Variants in TTC21A observed in about 807,000 individuals in gnomAD.
The protein encoded by TTC21A is tetratricopeptide repeat protein 21A.
TTC21A carries 128 observed loss-of-function variants against 156.4 expected under a neutral mutation model. The ratio of observed to expected loss-of-function variants is 0.82; its 90% CI spans 0.71 to 0.95. The LOEUF is 0.95. Ranked by LOEUF, TTC21A falls within the 40% of genes least tolerant of loss-of-function variation. The pLI, the probability that TTC21A is intolerant of heterozygous loss-of-function variation, is 0.00. For missense variants in TTC21A, 1,435 were observed against 1,602.3 expected (o/e 0.90, Z 1.78); for synonymous variants, 587 against 617.1 (o/e 0.95, Z 0.72).
rs1268344292 is a variant in TTC21A, at chr3:39,137,337, G to A, written c.3400G>A (p.Ala1134Thr). 1 of 1,613,912 alleles carries A rather than the reference G, an allele frequency of 6.2e-7. No individual in the cohort carries two copies. The highest frequency in any genetic ancestry group is 1.1e-5 in the South Asian group (1 of 91,038). ...CTGCCGGCTGGCCACCAGGGAGAAG[G>A]CTAACATGGAGGCTGCGCTGGGCAG... ...GLCRLATREK[A>T]NMEAALGSFI... The change falls in exon 25 of 29, where the codon GCT becomes ACT. Residue 1134 changes from alanine (A) to threonine (T), a missense_variant. Coordinates refer to ENST00000683103, the MANE Select transcript of TTC21A (RefSeq NM_001366900.1).
intron 5 of TTC21A, chr3:39,112,792 T>A: frequency 3.7e-6 from 1 of 273,672 alleles, no homozygotes; most frequent in Non-Finnish European, 5.6e-6. Context: ...CTGCTTGATC[T>A]GAGTTTCTGT....
Position 39,125,411 on chromosome 3 carries a change from C to T in TTC21A, c.1271C>T (p.Ala424Val), listed in dbSNP as rs781115098. Residue 424 changes from alanine (A) to valine (V), a missense_variant, in exon 11 of 29, where the codon GCA becomes GTA. Coordinates refer to ENST00000683103, the MANE Select transcript of TTC21A (RefSeq NM_001366900.1). ...GAGACCACAGCGCTCCTGAAGGAGG[C>T]AGTGGAGCTTCACTTCTCCAGCATG... is the stretch of plus-strand genomic sequence containing the variant. Reference protein sequence around the residue: ...EEETTALLKEAVELHFSSMQG... With the variant: ...EEETTALLKEVVELHFSSMQG... 1.9e-6 allele frequency: 3 copies of T among 1,614,126 alleles called. No individual in the cohort carries two copies. The highest frequency in any genetic ancestry group is 2.5e-6 in the Non-Finnish European group (3 of 1,179,970).
chr3:39,134,357 C>T lies in TTC21A; in HGVS notation c.2862+29C>T, dbSNP rs754995517. On this transcript the variant is annotated intron_variant, in intron 21 of 28. Transcript: ENST00000683103. The surrounding 1 kb of genome is among the most constrained non-coding windows in gnomAD (Gnocchi z 4.6). Reference sequence around the variant, plus strand: ...GGAAGCCCCCAGCACCCACTCCCTCCCCTCCCTTCCTCCCTTCCCAGGGTC... The same window carrying T: ...GGAAGCCCCCAGCACCCACTCCCTCTCCTCCCTTCCTCCCTTCCCAGGGTC... 5 of 1,480,960 alleles carry T rather than the reference C, an allele frequency of 3.4e-6. No homozygotes were observed. Among genetic ancestry groups the T allele is most frequent in the Non-Finnish European group, 3.8e-6 (4 of 1,058,824 alleles). The allele number at this position is 1,480,960 out of a possible 1,614,324, so 91.7% of individuals were successfully genotyped here. A position where few individuals can be genotyped will look rare whatever the true frequency, so the allele number is the denominator to read the frequency against.
chr3:39,121,200 G>A lies in TTC21A; in HGVS notation c.1093+11G>A, dbSNP rs551865452. Reference sequence around the variant, plus strand: ...TGGCTGGTTTGACAGGTATATGCAGGTGTGGCAGGGCTCAGGGATGGGTGT... The same window carrying A: ...TGGCTGGTTTGACAGGTATATGCAGATGTGGCAGGGCTCAGGGATGGGTGT... On this transcript the variant is annotated intron_variant, in intron 9 of 28. Coordinates refer to ENST00000683103, the MANE Select transcript of TTC21A (RefSeq NM_001366900.1). The A allele has an allele frequency of 6.2e-7, 1 of 1,605,834 alleles. No individual in the cohort carries two copies. The highest frequency in any genetic ancestry group is 1.7e-5 in the Admixed American group (1 of 59,534).
chr3:39,128,771 G>A lies in TTC21A; in HGVS notation c.1735G>A (p.Gly579Arg), dbSNP rs374968579. Residue 579 changes from glycine to arginine, a missense_variant, in exon 14 of 29, where the codon GGA becomes AGA. By Grantham distance (125) the Gly-to-Arg change is moderately radical (BLOSUM62 -2). Transcript: ENST00000683103. ...LIKARALNKAGDYPEAIKTLK... is the reference protein window; with the variant it reads ...LIKARALNKARDYPEAIKTLK... ...CAAGGCCAGGGCCCTCAACAAGGCT[G>A]GAGACTATCCAGAGGCCATAAAGAC... 22 of 1,614,040 alleles carry A rather than the reference G, an allele frequency of 1.4e-5. No homozygotes were observed. In the African/African-American group the frequency reaches 2.1e-4, roughly 16 times the overall value.
intron 19 of TTC21A, 108 bp downstream of exon 19, chr3:39,131,203 A>T: frequency 1.2e-6 from 1 of 822,002 alleles, no homozygotes; most frequent in South Asian, 1.7e-5. Flanking sequence ...CTCTTCCTTA[A>T]AAAAGGACCT....
At chr3:39,120,975 C>T (rs1206487516) in intron 8 of TTC21A, 22 bp from the exon 9 acceptor site, 2 of 1,576,340 alleles carry the variant, frequency 1.3e-6, no homozygotes, top group Non-Finnish European at 1.7e-6. Context: ...TTTCCCAATT[C>T]CCACCTTCCT....
At chr3:39,113,272 T>C (rs2036986177) in intron 5 of TTC21A, among the ~76,000 whole-genome samples, 1 of 152,126 alleles carries the variant, frequency 6.6e-6, no homozygotes, top group African/African-American at 2.4e-5. Flanking sequence ...GTCCAGGGTG[T>C]GTATTAGGTT....
At chr3:39,124,236 G>A (rs537683127) in intron 9 of TTC21A, among the ~76,000 whole-genome samples, 2 of 152,234 alleles carry the variant, frequency 1.3e-5, no homozygotes, top group African/African-American at 2.4e-5. Context: ...CTTCAGTAGG[G>A]CAATAGTTAA....
In TTC21A at chr3:39,138,281, C is replaced by T; in HGVS notation, c.3690C>T (p.Ala1230=). 2 of 1,614,148 alleles carry T rather than the reference C, an allele frequency of 1.2e-6. No homozygotes were observed. The highest frequency in any genetic ancestry group is 2.2e-5 in the South Asian group (2 of 91,078). Residue 1230 remains alanine, a synonymous_variant, in exon 27 of 29, where the codon GCC becomes GCT. Transcript: ENST00000683103. ...CVQYNKSCYK[A]YEYMGFIMEK... ...TTTCCCTGCAGTCCTGCTACAAGGCCTATGAGTACATGGGCTTCATCATGG... is the reference window on the plus strand; with the variant it reads ...TTTCCCTGCAGTCCTGCTACAAGGCTTATGAGTACATGGGCTTCATCATGG...
intron 23 of TTC21A, 117 bp downstream of exon 23, chr3:39,136,624 C>A: frequency 2.3e-6 from 3 of 1,314,944 alleles, no homozygotes; most frequent in Non-Finnish European, 3.1e-6. Flanking sequence ...GACACCCGGA[C>A]CCAGCAAGTG....
At chr3:39,127,104 G>A (rs563940728) in intron 12 of TTC21A, among the ~76,000 whole-genome samples, 59 of 152,284 alleles carry the variant, frequency 3.9e-4, no homozygotes, top group African/African-American at 1.3e-3. Context: ...CCCTTCTCAA[G>A]GCCCAGACCC....
In TTC21A at chr3:39,136,355, A is replaced by G; in HGVS notation, c.2945-2A>G. ...CCTGGAGATTTCTGTCTCTTATTTT[A>G]GACAATTTTTTGGTATTGCATAAAT... On this transcript the variant is annotated splice_acceptor_variant, in intron 22 of 28. Transcript: ENST00000683103. LOFTEE classifies it high-confidence loss of function. 6.2e-7 allele frequency: 1 copy of G among 1,610,760 alleles called. No homozygotes were observed. The highest frequency in any genetic ancestry group is 8.5e-7 in the Non-Finnish European group (1 of 1,178,042).
chr3:39,136,941 G>A lies in TTC21A; in HGVS notation c.3138G>A (p.Lys1046=). 6.2e-7 allele frequency: 1 copy of A among 1,614,250 alleles called. No homozygotes were observed. Among genetic ancestry groups the A allele is most frequent in the African/African-American group, 1.3e-5 (1 of 75,078 alleles). The change falls in exon 24 of 29, where the codon AAG becomes AAA. Residue 1046 remains lysine (K), a synonymous_variant. Coordinates refer to ENST00000683103, the MANE Select transcript of TTC21A (RefSeq NM_001366900.1). ...ACGAAGCCTTAAAGTTCCTGAACAA[G>A]GCACGCAAGGACAGCACTTGGGGCC... is the stretch of plus-strand genomic sequence containing the variant. ...QPNEALKFLN[K]ARKDSTWGQS... is the part of the protein sequence containing the mutation.
At position 39,134,604 on chromosome 3, in the gene TTC21A, G is replaced by A. The variant is rs777235279; in HGVS notation, c.2862+276G>A. ...AGGGGAAAGCACATTCACTGTAGGT[G>A]AAGGCAAGGGCGGGACAGGTTCCTG... is the stretch of plus-strand genomic sequence containing the variant. On this transcript the variant is annotated intron_variant, in intron 21 of 28. Coordinates refer to ENST00000683103, the MANE Select transcript of TTC21A (RefSeq NM_001366900.1). The surrounding 1 kb of genome is among the most constrained non-coding windows in gnomAD (Gnocchi z 4.6). The A allele has an allele frequency of 1.8e-6, 1 of 559,132 alleles. No homozygotes were observed. The highest frequency in any genetic ancestry group is 1.9e-5 in the African/African-American group (1 of 53,336). The allele number at this position is 559,132 out of a possible 1,614,324, so 34.6% of individuals were successfully genotyped here. A position where few individuals can be genotyped will look rare whatever the true frequency, so the allele number is the denominator to read the frequency against.
At chr3:39,126,649 A>G (rs908612628) in intron 12 of TTC21A, among the ~76,000 whole-genome samples, 1 of 147,382 alleles carries the variant, frequency 6.8e-6, no homozygotes. Flanking sequence ...ACACACACAC[A>G]CGTATGCACA....
At chr3:39,132,752 G>A (rs2038827911) in intron 19 of TTC21A, 2 of 452,762 alleles carry the variant, frequency 4.4e-6, no homozygotes, top group East Asian at 8.9e-5. Context: ...CTAGCCTGTA[G>A]TGCAGTGAAG....
intron 9 of TTC21A, among the ~76,000 whole-genome samples, chr3:39,122,379 A>G (rs1415239606): frequency 6.6e-6 from 1 of 152,144 alleles, no homozygotes; most frequent in East Asian, 1.9e-4. Flanking sequence ...AGAATTTCAC[A>G]TTTCTAGAAG....
Position 39,137,642 on chromosome 3 carries a change from A to C in TTC21A, c.3607A>C (p.Ile1203Leu). 1 of 1,614,150 alleles carries C rather than the reference A, an allele frequency of 6.2e-7. No individual in the cohort carries two copies. The change falls in exon 26 of 29, where the codon ATT becomes CTT. Residue 1203 changes from isoleucine (I) to leucine (L), a missense_variant. Transcript: ENST00000683103. ...GAAGAGCTGGCTCCTGCTGGCTGAC[A>C]TTTACTGCCAGGGCAGCAAGTTCGA... ...LEKSWLLLAD[I>L]YCQGSKFDLA... is the part of the protein sequence containing the mutation.
Sources: gnomAD v4.1 joint callset for allele counts (sites outside exome capture counted in the v4.1 genomes callset) on GRCh38, gnomAD v4.1.1 for gene constraint, Gnocchi (gnomAD v3.1) non-coding constraint, MANE v1.5 for transcripts, NCBI Gene and HGNC (gene_info 2026-07-23, HGNC 2026-07-21) for gene names.